PLXDC2: variants seen among roughly 807,000 people sequenced by gnomAD.
PLXDC2 encodes the protein plexin domain-containing protein 2.
Under a neutral mutation model 68.9 loss-of-function variants are expected in PLXDC2, and 40 were observed. The ratio of observed to expected loss-of-function variants is 0.58; its 90% CI spans 0.45 to 0.76. The LOEUF (loss-of-function observed/expected upper bound fraction) is 0.76, where lower values mean the gene tolerates loss of function less well. Among genes scored for constraint, PLXDC2 ranks in the 30% least tolerant of loss-of-function variants. The pLI, the probability that PLXDC2 is intolerant of heterozygous loss-of-function variation, is 0.00. For missense variants in PLXDC2, 644 were observed against 661.9 expected (o/e 0.97, Z 0.30); for synonymous variants, 243 against 234.2 (o/e 1.04, Z -0.34).
chr10:20,212,837 T>C (rs1243930064), intron 10 of PLXDC2, among the ~76,000 whole-genome samples: 1 of 152,126 alleles, frequency 6.6e-6, no homozygotes, highest in Non-Finnish European at 1.5e-5. Flanking sequence ...AATAACGTAG[T>C]TCCAAAGAGT....
intron 9 of PLXDC2, among the ~76,000 whole-genome samples, chr10:20,178,208 A>G (rs1286992181): frequency 2.6e-5 from 4 of 152,184 alleles, no homozygotes; most frequent in African/African-American, 9.6e-5. Context: ...TCATGTTGTA[A>G]TTAGCTAACC....
chr10:19,863,868 G>A (rs190283234), intron 1 of PLXDC2, among the ~76,000 whole-genome samples: 3 of 152,102 alleles, frequency 2.0e-5, no homozygotes, highest in East Asian at 3.9e-4. Flanking sequence ...TGATAAGTGT[G>A]TGATTTAGAT....
chr10:20,125,911 A>G (rs1368772010), intron 4 of PLXDC2, among the ~76,000 whole-genome samples: 1 of 141,248 alleles, frequency 7.1e-6, no homozygotes, highest in African/African-American at 2.7e-5. Flanking sequence ...CTACATTTTT[A>G]CTCCTTGCAG....
chr10:20,238,588 A>C lies in PLXDC2; in HGVS notation c.1313-6757A>C, dbSNP rs368820433. Reference sequence around the variant, plus strand: ...CCTGAATCCGGGAGGCAGAGGCTGCAGTGAGCCGAGATCGCACCACTGCAC... The same window carrying C: ...CCTGAATCCGGGAGGCAGAGGCTGCCGTGAGCCGAGATCGCACCACTGCAC... On this transcript the variant is annotated intron_variant, in intron 12 of 13. Transcript: ENST00000377252. 9.4e-5 allele frequency among the ~76,000 whole-genome samples: 14 copies of C among 149,036 alleles called. No individual in the cohort carries two copies. The East Asian group carries it at 2.0e-3, about 21-fold the overall frequency.
At chr10:19,856,365 AACAC>A (rs1026568869) in intron 1 of PLXDC2, among the ~76,000 whole-genome samples, 3 of 132,036 alleles carry the variant, frequency 2.3e-5, no homozygotes, top group Non-Finnish European at 3.2e-5. Context: ...TACACACACA[AACAC>A]ACACACACAG....
At chr10:19,874,239 G>A (rs1837593640) in intron 1 of PLXDC2, among the ~76,000 whole-genome samples, 1 of 152,152 alleles carries the variant, frequency 6.6e-6, no homozygotes, top group South Asian at 2.1e-4. Context: ...TCAGGAAAAC[G>A]ACATGCAGTA....
At chr10:20,244,249 C>T (rs1453448607) in intron 12 of PLXDC2, among the ~76,000 whole-genome samples, 3 of 152,068 alleles carry the variant, frequency 2.0e-5, no homozygotes, top group African/African-American at 7.2e-5. Flanking sequence ...CTCTAAATGC[C>T]TGAGTAATCA....
At chr10:20,274,807 G>A (rs904804736) in intron 13 of PLXDC2, among the ~76,000 whole-genome samples, 1 of 150,752 alleles carries the variant, frequency 6.6e-6, no homozygotes, top group African/African-American at 2.5e-5. Flanking sequence ...CAAAACCACT[G>A]TGTTTCCCCA....
chr10:20,079,111 A>C (rs1465528471), intron 4 of PLXDC2, among the ~76,000 whole-genome samples: 1 of 152,180 alleles, frequency 6.6e-6, no homozygotes, highest in Admixed American at 6.6e-5. Context: ...TTAAGAAAAG[A>C]GAAGTAAAAC....
At chr10:20,049,726 A>C (rs542616662) in intron 3 of PLXDC2, among the ~76,000 whole-genome samples, 13 of 152,028 alleles carry the variant, frequency 8.6e-5, no homozygotes, top group African/African-American at 1.4e-4. Context: ...AAACAAATGG[A>C]AAAAAACATC....
intron 2 of PLXDC2, among the ~76,000 whole-genome samples, chr10:20,003,510 G>A (rs1006742163): frequency 3.9e-5 from 6 of 152,128 alleles, no homozygotes; most frequent in Admixed American, 3.9e-4. Context: ...TCGGCTCACT[G>A]CAACCTCTGC....
intron 10 of PLXDC2, among the ~76,000 whole-genome samples, chr10:20,213,954 C>A (rs572824145): frequency 3.3e-5 from 5 of 152,008 alleles, no homozygotes; most frequent in Non-Finnish European, 7.4e-5. Flanking sequence ...CCTTATTACT[C>A]TGTGCTGTAT....
intron 12 of PLXDC2, among the ~76,000 whole-genome samples, chr10:20,226,358 A>G (rs1835287104): frequency 1.3e-5 from 2 of 152,232 alleles, no homozygotes. Flanking sequence ...GTCCAACACA[A>G]TTCTTCTTTT....
At chr10:19,889,905 G>T (rs1837919934) in intron 1 of PLXDC2, among the ~76,000 whole-genome samples, 1 of 152,214 alleles carries the variant, frequency 6.6e-6, no homozygotes, top group South Asian at 2.1e-4. Context: ...CTACGGGGTT[G>T]TTGGTTTATA....
At chr10:20,146,333 T>C (rs1834076951) in intron 5 of PLXDC2, among the ~76,000 whole-genome samples, 1 of 152,106 alleles carries the variant, frequency 6.6e-6, no homozygotes, top group South Asian at 2.1e-4. Context: ...TCTCTTCTTT[T>C]CTTTTCTCTT....
intron 4 of PLXDC2, among the ~76,000 whole-genome samples, chr10:20,128,591 G>A (rs1273356094): frequency 6.6e-6 from 1 of 151,984 alleles, no homozygotes; most frequent in Non-Finnish European, 1.5e-5. Flanking sequence ...TGCTATATAT[G>A]AGATCTCCAG....
At chr10:20,178,746 G>T (rs999187733) in intron 9 of PLXDC2, among the ~76,000 whole-genome samples, 1 of 152,052 alleles carries the variant, frequency 6.6e-6, no homozygotes, top group African/African-American at 2.4e-5. Context: ...ACTAACCTTA[G>T]AGCAACTACT....
intron 4 of PLXDC2, 77 bp from the exon 5 acceptor site, chr10:20,143,218 T>A: frequency 7.0e-7 from 1 of 1,421,354 alleles, no homozygotes; most frequent in African/African-American, 1.4e-5. Context: ...ATGACTGTAA[T>A]TGAGTTGGAA....
chr10:20,174,897 T>C (rs117305282), intron 7 of PLXDC2, among the ~76,000 whole-genome samples: 105 of 152,248 alleles, frequency 6.9e-4, no homozygotes, highest in Non-Finnish European at 1.3e-3. Context: ...CTTCCTTTTC[T>C]GAACACTTCT....
Sources: allele counts gnomAD v4.1 joint callset (sites outside exome capture counted in the v4.1 genomes callset), GRCh38; gene constraint gnomAD v4.1.1; transcripts MANE v1.5; gene names NCBI Gene and HGNC (gene_info 2026-07-23, HGNC 2026-07-21).